ASCC2: variants seen among roughly 807,000 people sequenced by gnomAD.
The protein encoded by ASCC2 is activating signal cointegrator 1 complex subunit 2.
Under a neutral mutation model 93.5 loss-of-function variants are expected in ASCC2, and 42 were observed. That is an observed-to-expected ratio of 0.45 (90% CI 0.35 to 0.58). The LOEUF (loss-of-function observed/expected upper bound fraction) is 0.58. ASCC2 is among the 20% of genes least tolerant of loss of function. ASCC2 has a pLI of 0.00. For synonymous variants in ASCC2, 364 were observed against 384.2 expected (o/e 0.95, Z 0.62); for missense variants, 859 against 977.6 (o/e 0.88, Z 1.62).
At chr22:29,800,638 A>C (rs1483342773) in intron 15 of ASCC2, among the ~76,000 whole-genome samples, 2 of 152,218 alleles carry the variant, frequency 1.3e-5, no homozygotes, top group Non-Finnish European at 1.5e-5. Flanking sequence ...CAGCCTGGGG[A>C]AAATCAGGTC....
chr22:29,807,929 A>AC (rs1011258566), intron 9 of ASCC2, among the ~76,000 whole-genome samples, 182 bp downstream of exon 9: 49 of 150,016 alleles, frequency 3.3e-4, no homozygotes, highest in Admixed American at 1.3e-3. Flanking sequence ...AACAACAACA[A>AC]AAAAAAAAAC....
intron 4 of ASCC2, 134 bp downstream of exon 4, chr22:29,824,953 A>G (rs576115714): frequency 4.6e-4 from 420 of 906,146 alleles, no homozygotes; most frequent in Non-Finnish European, 6.2e-4. Context: ...TTCTTCCCCA[A>G]CAGTGGGAAT....
chr22:29,790,445 A>G, intron 19 of ASCC2, 24 bp downstream of exon 19: 1 of 1,613,660 alleles, frequency 6.2e-7, no homozygotes, highest in Non-Finnish European at 8.5e-7. Flanking sequence ...GGGTCCCCCC[A>G]GAAGCAGCCC....
intron 2 of ASCC2, among the ~76,000 whole-genome samples, chr22:29,831,514 A>G (rs371842424): frequency 6.6e-6 from 1 of 152,274 alleles, no homozygotes; most frequent in Non-Finnish European, 1.5e-5. Flanking sequence ...AGAAGTAATA[A>G]GAAGCCATCT....
chr22:29,818,060 T>C (rs917592311), intron 5 of ASCC2, among the ~76,000 whole-genome samples: 1 of 150,572 alleles, frequency 6.6e-6, no homozygotes, highest in African/African-American at 2.4e-5. Flanking sequence ...AGGTGGGGGA[T>C]TGGGATAGGT....
At position 29,788,990 on chromosome 22, in the gene ASCC2, C is replaced by T. The variant is rs2068492442; in HGVS notation, c.*23G>A. The T allele has an allele frequency of 1.9e-6, 3 of 1,613,508 alleles. No homozygotes were observed. Among genetic ancestry groups the T allele is most frequent in the African/African-American group, 2.7e-5 (2 of 74,930 alleles). On this transcript the variant is annotated 3_prime_UTR_variant, in exon 20 of 20. Coordinates refer to ENST00000307790, the MANE Select transcript of ASCC2 (RefSeq NM_032204.5). ...CCTGGTGAGTCTGGTGCCGCTGCCT[C>T]CCCACTGGCCCTGCACCAGGTCTCA...
rs2062946156 is a variant in ASCC2 at position 29,830,143 on chromosome 22, C to T, written c.81+2102G>A. On this transcript the variant is annotated intron_variant, in intron 2 of 19. Coordinates refer to ENST00000307790, the MANE Select transcript of ASCC2 (RefSeq NM_032204.5). ...GTGCTGCTGTTGTTGTCCCTGCTGT[C>T]ATCACCATTGTAATAACAATTTATT... Among the ~76,000 whole-genome samples the T allele has an allele frequency of 2.0e-5, 3 of 152,152 alleles. 1 individual carries two copies. In the South Asian group the frequency reaches 6.2e-4, roughly 32 times the overall value.
chr22:29,803,910 C>T (rs898806507), intron 13 of ASCC2, among the ~76,000 whole-genome samples: 1 of 152,274 alleles, frequency 6.6e-6, no homozygotes, highest in African/African-American at 2.4e-5. Context: ...CAGGGTATTC[C>T]ATGTGATAGC....
Position 29,808,139 on chromosome 22 carries a change from T to C in ASCC2, c.880A>G (p.Ile294Val). The change falls in exon 9 of 20, where the codon ATT (isoleucine) becomes GTT (valine). Residue 294 changes from isoleucine (I) to valine (V), a missense_variant. Coordinates refer to ENST00000307790, the MANE Select transcript of ASCC2 (RefSeq NM_032204.5). ...EAAIPEMESA[I>V]KKRRLEDSKL... ...CTATCTTCAAGCCTCCTCTTCTTAA[T>C]TGCAGACTCCATTTCGGGAATTGCT... is the stretch of plus-strand genomic sequence containing the variant. 2.5e-6 allele frequency: 4 copies of C among 1,614,242 alleles called. No individual in the cohort carries two copies. The highest frequency in any genetic ancestry group is 2.2e-5 in the East Asian group (1 of 44,886).
Position 29,825,818 on chromosome 22 carries a change from T to G in ASCC2, c.82-38A>C, listed in dbSNP as rs372299686. ...AAACCACGTGTTAACGTGGCAGAGG[T>G]TAGTCAGCGAGGGCCCATTTGCCAA... is the stretch of plus-strand genomic sequence containing the variant. On this transcript the variant is annotated intron_variant, in intron 2 of 19. Transcript: ENST00000307790. The surrounding 1 kb of genome is among the most constrained non-coding windows in gnomAD (Gnocchi z 4.9). 2 of 1,574,168 alleles carry G rather than the reference T, an allele frequency of 1.3e-6. No homozygotes were observed. Among genetic ancestry groups the G allele is most frequent in the African/African-American group, 2.7e-5 (2 of 73,984 alleles).
At chr22:29,831,678 T>A (rs534358751) in intron 2 of ASCC2, among the ~76,000 whole-genome samples, 1 of 152,286 alleles carries the variant, frequency 6.6e-6, no homozygotes, top group South Asian at 2.1e-4. Context: ...ATCTCCTTCT[T>A]CAGCAGCCTG....
chr22:29,803,259 A>AAC (rs56393592), intron 13 of ASCC2, among the ~76,000 whole-genome samples: 1 of 151,074 alleles, frequency 6.6e-6, no homozygotes, highest in African/African-American at 2.4e-5. Flanking sequence ...CTCCAAAAAA[A>AAC]AAACAAAAAA....
chr22:29,794,954 C>CT (rs57206077), intron 15 of ASCC2, among the ~76,000 whole-genome samples: 1,844 of 141,906 alleles, frequency 0.013, 34 homozygotes, highest in African/African-American at 0.041. Context: ...TTGTCTAAAT[C>CT]TTTTTTTTTT....
intron 17 of ASCC2, 84 bp from the exon 18 acceptor site, chr22:29,792,619 A>G: frequency 1.3e-6 from 2 of 1,572,190 alleles, no homozygotes; most frequent in South Asian, 2.3e-5. Context: ...TGGTTGGGTG[A>G]GATGGGGCCG....
At chr22:29,812,161 ATGTTT>A (rs770223036) in intron 8 of ASCC2, among the ~76,000 whole-genome samples, 8 of 152,170 alleles carry the variant, frequency 5.3e-5, no homozygotes, top group Non-Finnish European at 1.0e-4. Context: ...GACTAAATAA[ATGTTT>A]TGTTAAATGG....
In ASCC2 at chr22:29,797,916, C is replaced by A. The variant is rs139911549; in HGVS notation, c.1688+3075G>T. Among the ~76,000 whole-genome samples, 332 of 152,298 alleles carry A rather than the reference C, an allele frequency of 2.2e-3. 1 individual carries two copies. The highest frequency in any genetic ancestry group is 7.7e-3 in the African/African-American group (320 of 41,562). ...GAGTAACTGAGATTACAGATGCCTG[C>A]CACCATGCCCAGCTAGTTTTTTGTA... On this transcript the variant is annotated intron_variant, in intron 15 of 19. Transcript: ENST00000307790.
chr22:29,795,071 C>T (rs778539879), intron 15 of ASCC2, among the ~76,000 whole-genome samples: 47 of 151,686 alleles, frequency 3.1e-4, no homozygotes, highest in Non-Finnish European at 5.0e-4. Context: ...AGTACAGGTG[C>T]GTGCCACTAT....
chr22:29,806,046 C>G (rs2059634825), intron 12 of ASCC2, among the ~76,000 whole-genome samples, 170 bp downstream of exon 12: 1 of 152,110 alleles, frequency 6.6e-6, no homozygotes, highest in Non-Finnish European at 1.5e-5. Context: ...GAGCAGCCAT[C>G]TCCTCTAGAA....
chr22:29,814,611 TG>T lies in ASCC2; in HGVS notation c.720+45del, dbSNP rs557753426. On this transcript the variant is annotated intron_variant, in intron 7 of 19. Coordinates refer to ENST00000307790, the MANE Select transcript of ASCC2 (RefSeq NM_032204.5). ...AGCCTCTGGGTAGCTAGGCCCTGGT[TG>T]GAGGGACCCGGCAGGAAAGAGACTG... The T allele has an allele frequency of 1.8e-4, 269 of 1,510,854 alleles. 1 individual carries two copies. The East Asian group carries it at 5.1e-3, about 29-fold the overall frequency. 93.6% of individuals were successfully genotyped at this position (1,510,854 alleles called of 1,614,324 possible).
Sources: gnomAD v4.1 joint callset for allele counts (sites outside exome capture counted in the v4.1 genomes callset) on GRCh38, gnomAD v4.1.1 for gene constraint, Gnocchi (gnomAD v3.1) non-coding constraint, MANE v1.5 for transcripts, NCBI Gene and HGNC (gene_info 2026-07-23, HGNC 2026-07-21) for gene names.